AKAP13: variants seen among roughly 807,000 people sequenced by gnomAD.
AKAP13 encodes A-kinase anchoring protein 13, also known as A-kinase anchor protein 13.
Under a neutral mutation model 264.5 loss-of-function variants are expected in AKAP13, and 80 were observed. The ratio of observed to expected loss-of-function variants is 0.30; its 90% CI spans 0.25 to 0.36. The LOEUF is 0.36. Ranked by LOEUF, AKAP13 falls within the 10% of genes least tolerant of loss-of-function variation. The pLI, the probability that AKAP13 is intolerant of heterozygous loss-of-function variation, is 1.00. For synonymous variants in AKAP13, 1,380 were observed against 1,250.2 expected (o/e 1.10, Z -2.19); for missense variants, 3,712 against 3,435.2 (o/e 1.08, Z -2.01).
chr15:85,579,502 T>A lies in AKAP13; in HGVS notation c.1434T>A (p.Thr478=). ...CAACAAATGTCAGTACCCCAGACAC[T>A]GCAGGGGAAATGGAACATGGGCTCA... is the stretch of plus-strand genomic sequence containing the variant. ...ISTTNVSTPD[T]AGEMEHGLMN... is the part of the protein sequence containing the mutation. Residue 478 remains threonine (T), a synonymous_variant, in exon 7 of 37, where the codon ACT becomes ACA. Transcript: ENST00000394518. 1.9e-6 allele frequency: 3 copies of A among 1,614,160 alleles called. No individual in the cohort carries two copies. The highest frequency in any genetic ancestry group is 2.5e-6 in the Non-Finnish European group (3 of 1,180,038).
chr15:85,679,682 A>G (rs1466419279), intron 14 of AKAP13, among the ~76,000 whole-genome samples: 2 of 152,230 alleles, frequency 1.3e-5, no homozygotes, highest in East Asian at 1.9e-4. Context: ...GTGTCCATCC[A>G]GTAGTTCCAC....
intron 1 of AKAP13, among the ~76,000 whole-genome samples, chr15:85,449,995 C>T (rs561480196): frequency 8.5e-5 from 13 of 152,146 alleles, no homozygotes; most frequent in African/African-American, 2.9e-4. Flanking sequence ...AAGAATGGTA[C>T]CAGCTCTTCT....
At chr15:85,696,154 G>C (rs1248303268) in intron 17 of AKAP13, among the ~76,000 whole-genome samples, 1 of 152,156 alleles carries the variant, frequency 6.6e-6, no homozygotes, top group Admixed American at 6.5e-5. Context: ...TTAGTTATTA[G>C]TATGATTAGT....
rs1028009345 is a variant in AKAP13, at chr15:85,741,255, A to C, written c.7818A>C (p.Glu2606Asp). The C allele has an allele frequency of 6.2e-7, 1 of 1,609,630 alleles. No homozygotes were observed. Among genetic ancestry groups the C allele is most frequent in the African/African-American group, 1.3e-5 (1 of 74,878 alleles). ...EEKRRREREW[E>D]ARERELRERE... is the part of the protein sequence containing the mutation. ...AGCGCAGGCGCGAGCGTGAGTGGGA[A>C]GCTCGTGAGAGGGAGCTGCGGGAGC... The change falls in exon 35 of 37, where the codon GAA becomes GAC. Residue 2606 changes from glutamate (E) to aspartate (D), a missense_variant. Glu to Asp is a conservative substitution (Grantham distance 45, BLOSUM62 2). Coordinates refer to ENST00000394518, the MANE Select transcript of AKAP13 (RefSeq NM_007200.5).
chr15:85,526,888 C>T (rs908146879), intron 3 of AKAP13, among the ~76,000 whole-genome samples: 4 of 151,590 alleles, frequency 2.6e-5, no homozygotes, highest in African/African-American at 4.9e-5. Flanking sequence ...AGTGGTTATA[C>T]TGGAAAAACA....
intron 8 of AKAP13, among the ~76,000 whole-genome samples, chr15:85,594,779 C>G (rs546374299): frequency 6.6e-6 from 1 of 152,190 alleles, no homozygotes. Flanking sequence ...TGGGTACCTA[C>G]AATTTAGGCA....
chr15:85,662,218 T>C (rs779564521), intron 12 of AKAP13, among the ~76,000 whole-genome samples: 2 of 152,238 alleles, frequency 1.3e-5, no homozygotes, highest in African/African-American at 2.4e-5. Flanking sequence ...TTCTATGATT[T>C]TTTATTATAG....
intron 1 of AKAP13, among the ~76,000 whole-genome samples, chr15:85,403,700 G>T (rs535779700): frequency 6.6e-6 from 1 of 151,888 alleles, no homozygotes; most frequent in Non-Finnish European, 1.5e-5. Context: ...AATTAGCCGG[G>T]CGTGGTGGCG....
chr15:85,521,397 T>G, intron 2 of AKAP13, 31 bp from the exon 3 acceptor site: 1 of 1,610,350 alleles, frequency 6.2e-7, no homozygotes, highest in Non-Finnish European at 8.5e-7. Context: ...ACCTTACTAA[T>G]GTAAACTTGC....
chr15:85,462,781 T>C (rs937299674), intron 1 of AKAP13, among the ~76,000 whole-genome samples: 2 of 151,890 alleles, frequency 1.3e-5, no homozygotes, highest in Non-Finnish European at 2.9e-5. Flanking sequence ...TCCCAGCACT[T>C]TGGGAGGCCG....
chr15:85,501,720 A>C (rs551598542), intron 2 of AKAP13, among the ~76,000 whole-genome samples: 1 of 152,244 alleles, frequency 6.6e-6, no homozygotes, highest in Non-Finnish European at 1.5e-5. Context: ...TGCTGAGGTC[A>C]TGCAGCTAGT....
chr15:85,510,697 G>C (rs1567095938), intron 2 of AKAP13, among the ~76,000 whole-genome samples: 1 of 152,270 alleles, frequency 6.6e-6, no homozygotes, highest in East Asian at 1.9e-4. Flanking sequence ...CATCCTGAAA[G>C]GCTTTCATAG....
At position 85,727,500 on chromosome 15, in the gene AKAP13, A is replaced by G; in HGVS notation, c.7087+37A>G. On this transcript the variant is annotated intron_variant, in intron 29 of 36. Coordinates refer to ENST00000394518, the MANE Select transcript of AKAP13 (RefSeq NM_007200.5). The surrounding 1 kb of genome is among the most constrained non-coding windows in gnomAD (Gnocchi z 5.3). ...CGAGTGGTCTGAGCCCCTTGTCTGG[A>G]ATGTCTGCAGTTGCAGAAGACTGCT... 1.2e-6 allele frequency: 2 copies of G among 1,609,238 alleles called. No individual in the cohort carries two copies. The highest frequency in any genetic ancestry group is 1.7e-4 in the Middle Eastern group (1 of 6,056).
At chr15:85,395,202 G>T (rs922894877) in intron 1 of AKAP13, among the ~76,000 whole-genome samples, 1 of 152,080 alleles carries the variant, frequency 6.6e-6, no homozygotes, top group Non-Finnish European at 1.5e-5. Context: ...TGATAGCTTG[G>T]CATGTATATT....
At chr15:85,586,501 G>T (rs1372194613) in intron 8 of AKAP13, among the ~76,000 whole-genome samples, 2 of 152,036 alleles carry the variant, frequency 1.3e-5, no homozygotes, top group East Asian at 3.8e-4. Context: ...ATGGCACTCG[G>T]CCTATAAACC....
intron 8 of AKAP13, among the ~76,000 whole-genome samples, chr15:85,617,506 T>A (rs1431167900): frequency 1.3e-5 from 2 of 152,166 alleles, no homozygotes; most frequent in Non-Finnish European, 2.9e-5. Flanking sequence ...TCCCAAAGTG[T>A]TGGGATTACA....
At position 85,581,829 on chromosome 15, in the gene AKAP13, G is replaced by A. The variant is rs138629757; in HGVS notation, c.3761G>A (p.Arg1254His). The A allele has an allele frequency of 2.0e-5, 32 of 1,614,076 alleles. No homozygotes were observed. The highest frequency in any genetic ancestry group is 3.3e-4 in the Middle Eastern group (2 of 6,084). The change falls in exon 7 of 37, where the codon CGT becomes CAT. Residue 1254 changes from arginine to histidine, a missense_variant. Around this residue, in one of 3 missense-constraint regions of AKAP13, gnomAD observed 2,759 missense variants for 2,411.7 expected, o/e 1.14. Transcript: ENST00000394518. The stretch of plus-strand genomic sequence containing the variant: ...GACTTGATAGAGGAGGCTGCCAGCC[G>A]TATAGTGGATGCTGTCATCGAACAA... Reference protein sequence around the residue: ...GADLIEEAASRIVDAVIEQVK... With the variant: ...GADLIEEAASHIVDAVIEQVK...
At chr15:85,385,275 C>G (rs1297980061) in intron 1 of AKAP13, among the ~76,000 whole-genome samples, 1 of 152,140 alleles carries the variant, frequency 6.6e-6, no homozygotes, top group African/African-American at 2.4e-5. Flanking sequence ...CTATTTGTCT[C>G]CCAAATATCT....
In AKAP13 at chr15:85,749,074, C is replaced by T. The variant is rs957570143; in HGVS notation, c.*4397C>T. ...GGTGGTTGGGATACACCGGATACCT[C>T]TGCTCTCATTGCTTGTTTGCAAATG... On this transcript the variant is annotated 3_prime_UTR_variant, in exon 37 of 37. Coordinates refer to ENST00000394518, the MANE Select transcript of AKAP13 (RefSeq NM_007200.5). 1 of 152,284 alleles carries T rather than the reference C, an allele frequency of 6.6e-6. No homozygotes were observed. Among genetic ancestry groups the T allele is most frequent in the South Asian group, 2.1e-4 (1 of 4,836 alleles). 9.4% of individuals were successfully genotyped at this position (152,284 alleles called of 1,614,324 possible). A position where few individuals can be genotyped will look rare whatever the true frequency, so the allele number is the denominator to read the frequency against.
Sources: gnomAD v4.1 joint callset for allele counts (sites outside exome capture counted in the v4.1 genomes callset) on GRCh38, gnomAD v4.1.1 for gene constraint, gnomAD v4.1.1 regional missense constraint, Gnocchi (gnomAD v3.1) non-coding constraint, MANE v1.5 for transcripts, NCBI Gene and HGNC (gene_info 2026-07-23, HGNC 2026-07-21) for gene names.